Variants in CPS1 observed in about 807,000 individuals in gnomAD.
CPS1 encodes carbamoyl-phosphate synthase 1.
A neutral mutation model predicts 174.6 loss-of-function variants in CPS1; 109 were observed. The ratio of observed to expected loss-of-function variants is 0.62; its 90% CI spans 0.53 to 0.73. The LOEUF is 0.73. CPS1 is among the 30% of genes least tolerant of loss of function. CPS1 has a pLI of 0.00. For synonymous variants in CPS1, 637 were observed against 632.0 expected (o/e 1.01, Z -0.12); for missense variants, 1,689 against 1,821.9 (o/e 0.93, Z 1.33).
chr2:210,500,624 G>C (rs1217328552), intron 1 of CPS1, among the ~76,000 whole-genome samples: 1 of 152,190 alleles, frequency 6.6e-6, no homozygotes, highest in African/African-American at 2.4e-5. Context: ...TCATATCCAG[G>C]TCACACTGAT....
At chr2:210,517,530 G>A (rs1049103343) in intron 1 of CPS1, among the ~76,000 whole-genome samples, 16 of 152,084 alleles carry the variant, frequency 1.1e-4, no homozygotes, top group African/African-American at 3.9e-4. Context: ...CTTGAATCGA[G>A]GGAAATCAAT....
intron 13 of CPS1, among the ~76,000 whole-genome samples, chr2:210,597,916 A>T (rs1339331802): frequency 6.6e-6 from 1 of 151,848 alleles, no homozygotes; most frequent in East Asian, 1.9e-4. Context: ...AAATATGTAC[A>T]AACAGTTGTA....
intron 34 of CPS1, among the ~76,000 whole-genome samples, chr2:210,669,160 G>A (rs1041683309): frequency 6.6e-6 from 1 of 152,100 alleles, no homozygotes; most frequent in African/African-American, 2.4e-5. Context: ...ATTTATTGAT[G>A]TAAGTTAAAT....
intron 21 of CPS1, 42 bp downstream of exon 21, chr2:210,616,583 G>A: frequency 8.4e-7 from 1 of 1,184,256 alleles, no homozygotes. Flanking sequence ...CACCTTCAGT[G>A]CAATTTTTAA....
At chr2:210,526,715 G>A (rs1335075157) in intron 1 of CPS1, among the ~76,000 whole-genome samples, 1 of 151,910 alleles carries the variant, frequency 6.6e-6, no homozygotes, top group Non-Finnish European at 1.5e-5. Context: ...GATACATTTG[G>A]GAAGCAGTAG....
intron 6 of CPS1, among the ~76,000 whole-genome samples, chr2:210,585,833 C>G (rs886407355): frequency 6.6e-6 from 1 of 151,702 alleles, no homozygotes; most frequent in Non-Finnish European, 1.5e-5. Flanking sequence ...TGTGAATAGA[C>G]TGGAAACTGA....
chr2:210,671,714 C>G (rs1043594457), intron 34 of CPS1: 21 of 152,194 alleles, frequency 1.4e-4, no homozygotes, highest in African/African-American at 5.1e-4. Flanking sequence ...AAGCCAACAC[C>G]CAGACCAGAA....
intron 1 of CPS1, among the ~76,000 whole-genome samples, chr2:210,545,106 A>G (rs1696526793): frequency 6.6e-6 from 1 of 152,084 alleles, no homozygotes; most frequent in Non-Finnish European, 1.5e-5. Context: ...CAGACGTAGC[A>G]CAGGGTTTTT....
At chr2:210,587,947 A>T (rs1313746695) in intron 6 of CPS1, 111 bp from the exon 7 acceptor site, 4 of 959,354 alleles carry the variant, frequency 4.2e-6, no homozygotes, top group Non-Finnish European at 6.9e-6. Flanking sequence ...AGTAGTTAAC[A>T]ATCAATCTGT....
chr2:210,511,481 A>G (rs576352134), intron 1 of CPS1, among the ~76,000 whole-genome samples: 1 of 152,264 alleles, frequency 6.6e-6, no homozygotes, highest in Non-Finnish European at 1.5e-5. Flanking sequence ...ATGTATACAT[A>G]TGTAACAAAC....
intron 1 of CPS1, among the ~76,000 whole-genome samples, chr2:210,544,947 G>T (rs191374874): frequency 3.2e-4 from 49 of 151,762 alleles, no homozygotes; most frequent in African/African-American, 1.1e-3. Flanking sequence ...GTCCAACAAG[G>T]CCTCTCATCC....
chr2:210,668,202 A>G lies in CPS1; in HGVS notation c.4019A>G (p.Glu1340Gly), dbSNP rs748968097. Residue 1340 changes from glutamate to glycine, a missense_variant, in exon 34 of 38, where the codon GAA (glutamate) becomes GGA (glycine). Transcript: ENST00000233072. ...TCTAAACAGGTGGCTTGCTTTGGTG[A>G]AGGTATTCATACAGCCTTCCTAAAG... is the stretch of plus-strand genomic sequence containing the variant. ...ASTGEVACFGEGIHTAFLKAM... is the reference protein window; with the variant it reads ...ASTGEVACFGGGIHTAFLKAM... 9.2e-5 allele frequency: 148 copies of G among 1,613,130 alleles called. No individual in the cohort carries two copies. The highest frequency in any genetic ancestry group is 1.2e-4 in the Non-Finnish European group (145 of 1,179,626).
Position 210,640,059 on chromosome 2 carries a change from G to C in CPS1, c.2959G>C (p.Gly987Arg). Residue 987 changes from glycine (G) to arginine (R), a missense_variant and splice_region_variant, in exon 24 of 38, where the codon GGC becomes CGC. Physicochemically the swap from Gly to Arg is moderately radical, Grantham distance 125. Coordinates refer to ENST00000233072, the MANE Select transcript of CPS1 (RefSeq NM_001875.5). The stretch of plus-strand genomic sequence containing the variant: ...GCTAGGCTGTGGTCCATATCACATT[G>C]GTAAAATAATAAATTATGTGTATAT... ...MVLGCGPYHI[G>R]SSVEFDWCAV... is the part of the protein sequence containing the mutation. 1 of 1,585,184 alleles carries C rather than the reference G, an allele frequency of 6.3e-7. No homozygotes were observed. The highest frequency in any genetic ancestry group is 8.7e-7 in the Non-Finnish European group (1 of 1,154,820).
At chr2:210,561,569 A>G (rs1034580781) in intron 1 of CPS1, among the ~76,000 whole-genome samples, 7 of 152,186 alleles carry the variant, frequency 4.6e-5, no homozygotes, top group African/African-American at 1.4e-4. Context: ...AGTTTTCAGT[A>G]TCTCTTAGGC....
intron 16 of CPS1, among the ~76,000 whole-genome samples, chr2:210,602,904 G>A (rs1021718514): frequency 7.2e-5 from 11 of 151,842 alleles, no homozygotes; most frequent in African/African-American, 2.7e-4. Context: ...AGAGATTTGA[G>A]GGTTTATAAT....
chr2:210,622,113 A>C (rs1409926774), intron 21 of CPS1, among the ~76,000 whole-genome samples: 3 of 151,566 alleles, frequency 2.0e-5, no homozygotes, highest in Non-Finnish European at 4.4e-5. Context: ...ATATTCTTAT[A>C]TACTTTTTAC....
At chr2:210,505,757 G>A (rs1046100829) in intron 1 of CPS1, among the ~76,000 whole-genome samples, 2 of 152,162 alleles carry the variant, frequency 1.3e-5, no homozygotes, top group African/African-American at 2.4e-5. Flanking sequence ...CACCTGGCAC[G>A]AAGGGTCCTA....
intron 1 of CPS1, among the ~76,000 whole-genome samples, chr2:210,560,600 G>C (rs547029837): frequency 2.0e-5 from 3 of 152,194 alleles, no homozygotes; most frequent in African/African-American, 7.2e-5. Context: ...ATGAGCACTG[G>C]TAGTCATTAT....
chr2:210,508,157 A>G (rs1695342763), intron 1 of CPS1, among the ~76,000 whole-genome samples: 2 of 149,752 alleles, frequency 1.3e-5, no homozygotes, highest in South Asian at 2.1e-4. Context: ...ATGTAAAAGA[A>G]CAGAAATTAT....
Sources: allele counts gnomAD v4.1 joint callset (sites outside exome capture counted in the v4.1 genomes callset), GRCh38; gene constraint gnomAD v4.1.1; transcripts MANE v1.5; gene names NCBI Gene and HGNC (gene_info 2026-07-23, HGNC 2026-07-21).